Variants in RYR3 observed in about 807,000 individuals in gnomAD.
RYR3 encodes the protein brain ryanodine receptor-calcium release channel.
A neutral mutation model predicts 584.3 loss-of-function variants in RYR3; 207 were observed. The observed-to-expected ratio is 0.35, with a 90% confidence interval of 0.32 to 0.40. The LOEUF (loss-of-function observed/expected upper bound fraction) is 0.40. RYR3 is among the 10% of genes least tolerant of loss of function. The pLI is 1.00. For synonymous variants in RYR3, 2,416 were observed against 2,248.5 expected, an observed-to-expected ratio of 1.07 and a Z score of -2.11; for missense variants, 5,616 against 6,089.2, an observed-to-expected ratio of 0.92 and a Z score of 2.59.
intron 10 of RYR3, among the ~76,000 whole-genome samples, chr15:33,554,352 G>A (rs117681707): frequency 0.023 from 3,334 of 147,392 alleles, 51 homozygotes; most frequent in Non-Finnish European, 0.035. Flanking sequence ...TGGAGGTACA[G>A]TGGTGCGATC....
intron 70 of RYR3, 190 bp downstream of exon 70, chr15:33,807,759 T>TGGGGAAGCC (rs1436418840): frequency 6.4e-6 from 4 of 623,544 alleles, no homozygotes; most frequent in East Asian, 2.8e-5. Context: ...ACCCTTGGAA[T>TGGGGAAGCC]GGGGAAGCCG....
chr15:33,736,341 G>A lies in RYR3; in HGVS notation c.7515+16G>A, dbSNP rs1303335938. 2.2e-5 allele frequency: 34 copies of A among 1,564,952 alleles called. No individual in the cohort carries two copies. Among genetic ancestry groups the A allele is most frequent in the Non-Finnish European group, 2.6e-5 (30 of 1,139,704 alleles). ...GCCTCTCAAGGTAAACATCACTATT[G>A]TTACAGAAATACAGTCTATTGCACA... On this transcript the variant is annotated intron_variant, in intron 49 of 103. Transcript: ENST00000634891.
intron 19 of RYR3, among the ~76,000 whole-genome samples, chr15:33,615,648 C>G (rs567682739): frequency 6.6e-6 from 1 of 152,258 alleles, no homozygotes; most frequent in Admixed American, 6.5e-5. Context: ...GGGAATCTTA[C>G]GCTATCTGCA....
At chr15:33,752,062 G>A (rs2071365312) in intron 57 of RYR3, among the ~76,000 whole-genome samples, 2 of 152,124 alleles carry the variant, frequency 1.3e-5, no homozygotes, top group Admixed American at 6.5e-5. Context: ...TTATTTCTGA[G>A]GTCTCTGTTC....
chr15:33,364,299 A>G (rs1288443440), intron 1 of RYR3, among the ~76,000 whole-genome samples: 1 of 152,150 alleles, frequency 6.6e-6, no homozygotes, highest in Non-Finnish European at 1.5e-5. Context: ...CATTCCTTCC[A>G]TCACAAACCT....
At position 33,859,691 on chromosome 15, in the gene RYR3, T is replaced by C. The variant is rs1440955268; in HGVS notation, c.14259T>C (p.Phe4753=). The C allele has an allele frequency of 1.2e-6, 2 of 1,613,346 alleles. No homozygotes were observed. Among genetic ancestry groups the C allele is most frequent in the Admixed American group, 3.3e-5 (2 of 59,938 alleles). The change falls in exon 100 of 104, where the codon TTT becomes TTC. Residue 4753 remains phenylalanine (F), a synonymous_variant. Transcript: ENST00000634891. The part of the protein sequence containing the change: ...EMYRIVFDIT[F]FFFVIVILLA... ...ATCGCATTGTCTTTGACATTACCTT[T>C]TTCTTCTTCGTCATTGTCATCTTGC... is the stretch of plus-strand genomic sequence containing the variant.
chr15:33,450,075 A>G (rs2596157), intron 1 of RYR3, among the ~76,000 whole-genome samples: 87,325 of 135,846 alleles, frequency 0.64, 28,843 homozygotes, highest in African/African-American at 0.82. Flanking sequence ...CTGCGGCTAG[A>G]GCATTAATAC....
At chr15:33,379,381 A>C (rs971077311) in intron 1 of RYR3, among the ~76,000 whole-genome samples, 3 of 152,182 alleles carry the variant, frequency 2.0e-5, no homozygotes, top group African/African-American at 7.2e-5. Flanking sequence ...GATTGGAACA[A>C]AATGGACATT....
intron 1 of RYR3, among the ~76,000 whole-genome samples, chr15:33,361,005 G>A (rs1172402925): frequency 2.0e-5 from 3 of 152,182 alleles, no homozygotes; most frequent in Non-Finnish European, 2.9e-5. Context: ...AGTAATGGCT[G>A]TATTGAGGGA....
chr15:33,498,842 T>C (rs1175439079), intron 2 of RYR3, among the ~76,000 whole-genome samples: 3 of 152,154 alleles, frequency 2.0e-5, no homozygotes, highest in African/African-American at 7.2e-5. Flanking sequence ...CCATTTTGAG[T>C]TGATTTTTGT....
intron 11 of RYR3, among the ~76,000 whole-genome samples, chr15:33,564,037 A>G (rs12912818): frequency 0.15 from 22,380 of 152,222 alleles, 1,938 homozygotes; most frequent in Non-Finnish European, 0.19. Context: ...AATATTGCAC[A>G]TAGAACGTAA....
Position 33,464,503 on chromosome 15 carries a change from T to TATACAC in RYR3, c.52-8915_52-8914insTACACA, listed in dbSNP as rs1180164194. The stretch of plus-strand genomic sequence containing the variant: ...ATATATATATATACACATATATATA[T>TATACAC]ACATACACATACACATATATGTACA... On this transcript the variant is annotated intron_variant, in intron 1 of 103. Coordinates refer to ENST00000634891, the MANE Select transcript of RYR3 (RefSeq NM_001036.6). Among the ~76,000 whole-genome samples, 531 of 105,838 alleles carry TATACAC rather than the reference T, an allele frequency of 5.0e-3. 8 individuals carry two copies. Among genetic ancestry groups the TATACAC allele is most frequent in the African/African-American group, 0.013 (376 of 29,738 alleles). 69.4% of individuals were successfully genotyped at this position (105,838 alleles called of 152,430 possible).
At chr15:33,542,936 A>G (rs1182700099) in intron 7 of RYR3, among the ~76,000 whole-genome samples, 1 of 152,076 alleles carries the variant, frequency 6.6e-6, no homozygotes, top group Non-Finnish European at 1.5e-5. Context: ...ATGGGTCATC[A>G]TGTCTTTGAA....
intron 1 of RYR3, among the ~76,000 whole-genome samples, chr15:33,392,045 CTT>C (rs764661174): frequency 9.9e-5 from 15 of 152,000 alleles, no homozygotes; most frequent in South Asian, 2.1e-4. Context: ...TTATTCTGCA[CTT>C]TGTTTTCAGA....
chr15:33,772,118 T>C lies in RYR3; in HGVS notation c.9015T>C (p.Phe3005=). 1.2e-6 allele frequency: 2 copies of C among 1,613,392 alleles called. No homozygotes were observed. Among genetic ancestry groups the C allele is most frequent in the Non-Finnish European group, 1.7e-6 (2 of 1,179,468 alleles). Residue 3005 remains phenylalanine (F), a synonymous_variant, in exon 63 of 104, where the codon TTT becomes TTC. Coordinates refer to ENST00000634891, the MANE Select transcript of RYR3 (RefSeq NM_001036.6). Reference sequence around the variant, plus strand: ...TGCTCCCCATCCTGACGTCCATCTTTGAGCACGTCACTCAGCATCAGTTTG... The same window carrying C: ...TGCTCCCCATCCTGACGTCCATCTTCGAGCACGTCACTCAGCATCAGTTTG... ...VALLPILTSI[F]EHVTQHQFGM...
At chr15:33,612,938 C>T (rs538044885) in intron 18 of RYR3, among the ~76,000 whole-genome samples, 1 of 152,318 alleles carries the variant, frequency 6.6e-6, no homozygotes, top group East Asian at 1.9e-4. Context: ...TTGAGCATTT[C>T]CCCTGAGACT....
chr15:33,765,033 A>AAAAT (rs2072893010), intron 60 of RYR3, among the ~76,000 whole-genome samples: 1 of 150,496 alleles, frequency 6.6e-6, no homozygotes, highest in African/African-American at 2.4e-5. Context: ...TTCGTCTCAA[A>AAAAT]AAAAAAAAAA....
At chr15:33,616,805 A>G (rs2060474542) in intron 19 of RYR3, among the ~76,000 whole-genome samples, 1 of 152,166 alleles carries the variant, frequency 6.6e-6, no homozygotes, top group Non-Finnish European at 1.5e-5. Context: ...GCATGTTGTG[A>G]TTTGAAGAGA....
chr15:33,613,246 G>A lies in RYR3; in HGVS notation c.2228G>A (p.Ser743Asn). ...CTCCTGAGATCGGATGACGTGGTAAGCTGCTGCCTGGACCTCGGGGTGCCC... is the reference window on the plus strand; with the variant it reads ...CTCCTGAGATCGGATGACGTGGTAAACTGCTGCCTGGACCTCGGGGTGCCC... ...QHLLRSDDVV[S>N]CCLDLGVPSI... Residue 743 changes from serine (S) to asparagine (N), a missense_variant, in exon 19 of 104, where the codon AGC (serine) becomes AAC (asparagine). By Grantham distance (46) the Ser-to-Asn change is conservative (BLOSUM62 1). Coordinates refer to ENST00000634891, the MANE Select transcript of RYR3 (RefSeq NM_001036.6). 6.2e-7 allele frequency: 1 copy of A among 1,613,946 alleles called. No individual in the cohort carries two copies. Among genetic ancestry groups the A allele is most frequent in the Non-Finnish European group, 8.5e-7 (1 of 1,179,866 alleles).
Sources: allele counts gnomAD v4.1 joint callset (sites outside exome capture counted in the v4.1 genomes callset), GRCh38; gene constraint gnomAD v4.1.1; transcripts MANE v1.5; gene names NCBI Gene and HGNC (gene_info 2026-07-23, HGNC 2026-07-21).